The following WIZ variants were observed in gnomAD, a reference collection of about 807,000 sequenced individuals.
WIZ encodes protein Wiz.
A neutral mutation model predicts 140.2 loss-of-function variants in WIZ; 25 were observed. The ratio of observed to expected loss-of-function variants is 0.18; its 90% CI spans 0.13 to 0.25. The LOEUF (loss-of-function observed/expected upper bound fraction) is 0.25, where lower values mean the gene tolerates loss of function less well. Ranked by LOEUF, WIZ falls within the 10% of genes least tolerant of loss-of-function variation. WIZ has a pLI of 1.00. For missense variants in WIZ, 2,231 were observed against 2,632.6 expected, an observed-to-expected ratio of 0.85 and a Z score of 3.34; for synonymous variants, 1,125 against 1,154.3, an observed-to-expected ratio of 0.97 and a Z score of 0.51.
In WIZ at chr19:15,427,344, C is replaced by A; in HGVS notation, c.4004G>T (p.Gly1335Val). 1.2e-6 allele frequency: 2 copies of A among 1,613,646 alleles called. No individual in the cohort carries two copies. Among genetic ancestry groups the A allele is most frequent in the Non-Finnish European group, 1.7e-6 (2 of 1,179,934 alleles). The change falls in exon 9 of 13, where the codon GGT (glycine) becomes GTT (valine). Residue 1335 changes from glycine (G) to valine (V), a missense_variant. Coordinates refer to ENST00000673675, the MANE Select transcript of WIZ (RefSeq NM_001371589.1). This position sits in a 1 kb window ranked among gnomAD's most constrained non-coding sequence, Gnocchi z 6.4. Reference protein sequence around the residue: ...ILKRRTQSRPGGPPNPPGPSP... With the variant: ...ILKRRTQSRPVGPPNPPGPSP... ...TGGCCCTGGTGGGTTGGGAGGTCCACCAGGCCGAGACTGGGTCCGTCTCTT... is the reference window on the plus strand; with the variant it reads ...TGGCCCTGGTGGGTTGGGAGGTCCAACAGGCCGAGACTGGGTCCGTCTCTT...
chr19:15,429,066 T>C (rs1969047963), intron 7 of WIZ, among the ~76,000 whole-genome samples: 1 of 152,188 alleles, frequency 6.6e-6, no homozygotes, highest in African/African-American at 2.4e-5. Context: ...TCCCAAACCC[T>C]GCCTGCCGTG....
In WIZ at chr19:15,425,765, G is replaced by A; in HGVS notation, c.4370C>T (p.Ser1457Phe). ...GATGTCGCGCACCGGCTCTGCCCGG[G>A]ACGCTGCAGGGGATCCAGGGTAGGG... ...REDMTPLNLS[S>F]RAEPVRDIRC... Residue 1457 changes from serine to phenylalanine, a missense_variant, in exon 10 of 13, where the codon TCC becomes TTC. Physicochemically the swap from Ser to Phe is radical, Grantham distance 155. Transcript: ENST00000673675. 1 of 1,571,050 alleles carries A rather than the reference G, an allele frequency of 6.4e-7. No individual in the cohort carries two copies. Among genetic ancestry groups the A allele is most frequent in the Non-Finnish European group, 8.6e-7 (1 of 1,158,474 alleles).
chr19:15,444,489 T>C (rs1187514439), intron 2 of WIZ, among the ~76,000 whole-genome samples: 2 of 152,160 alleles, frequency 1.3e-5, no homozygotes, highest in Non-Finnish European at 2.9e-5. Context: ...AGCAGCATCC[T>C]TGGCCTCCAC....
chr19:15,435,601 G>A (rs932743427), intron 5 of WIZ, among the ~76,000 whole-genome samples: 3 of 152,170 alleles, frequency 2.0e-5, no homozygotes, highest in Non-Finnish European at 4.4e-5. Flanking sequence ...TTGGGAGGCC[G>A]AAGCGGGCAG....
At position 15,436,924 on chromosome 19, in the gene WIZ, C is replaced by T. The variant is rs1969537844; in HGVS notation, c.2622G>A (p.Leu874=). Residue 874 remains leucine (L), a synonymous_variant, in exon 5 of 13, where the codon CTG becomes CTA. Coordinates refer to ENST00000673675, the MANE Select transcript of WIZ (RefSeq NM_001371589.1). ...TSAAEQPPSP[L]GREPGGPPGS... is the part of the protein sequence containing the mutation. The stretch of plus-strand genomic sequence containing the variant: ...CAGGCGGACCCCCAGGCTCTCGGCC[C>T]AGGGGGCTGGGGGGCTGCTCAGCAG... The T allele has an allele frequency of 1.9e-6, 3 of 1,613,234 alleles. No homozygotes were observed. The highest frequency in any genetic ancestry group is 2.5e-6 in the Non-Finnish European group (3 of 1,179,646).
In WIZ at chr19:15,439,000, A is replaced by C; in HGVS notation, c.1994T>G (p.Leu665Arg). 6.7e-7 allele frequency: 1 copy of C among 1,487,826 alleles called. No homozygotes were observed. Among genetic ancestry groups the C allele is most frequent in the Non-Finnish European group, 8.9e-7 (1 of 1,122,190 alleles). 92.2% of individuals were successfully genotyped at this position (1,487,826 alleles called of 1,614,324 possible). A position where few individuals can be genotyped will look rare whatever the true frequency, so the allele number is the denominator to read the frequency against. The change falls in exon 4 of 13, where the codon CTG becomes CGG. Residue 665 changes from leucine to arginine, a missense_variant. By Grantham distance (102) the Leu-to-Arg change is moderately radical. This residue lies in a region of WIZ where 475 missense variants were observed against 520.2 expected (regional missense o/e 0.91). Coordinates refer to ENST00000673675, the MANE Select transcript of WIZ (RefSeq NM_001371589.1). ...CCCCTGGGTGGCCTCTACTGCCTGC[A>C]GGGCCTCTCGGAATGCCTGCTTCAG... ...LELKQAFREA[L>R]QAVEATQGQQ...
chr19:15,432,337 G>A (rs12459348), intron 5 of WIZ: 27 of 657,614 alleles, frequency 4.1e-5, no homozygotes, highest in Admixed American at 1.3e-4. Context: ...GGAGGGGGGG[G>A]TCCCGCAGAC....
chr19:15,440,586 G>A lies in WIZ; in HGVS notation c.408C>T (p.Gly136=). Residue 136 remains glycine, a synonymous_variant, in exon 4 of 13, where the codon GGC becomes GGT. Transcript: ENST00000673675. The surrounding 1 kb of genome is among the most constrained non-coding windows in gnomAD (Gnocchi z 6.2). The part of the protein sequence containing the change: ...EHPLVQEAGE[G]ILSERRFEDS... Reference sequence around the variant, plus strand: ...CCTCGAATCTCCGCTCAGATAGGATGCCCTCCCCAGCCTCCTGGACAAGGG... The same window carrying A: ...CCTCGAATCTCCGCTCAGATAGGATACCCTCCCCAGCCTCCTGGACAAGGG... 1.3e-6 allele frequency: 2 copies of A among 1,536,144 alleles called. No individual in the cohort carries two copies. Among genetic ancestry groups the A allele is most frequent in the Non-Finnish European group, 8.7e-7 (1 of 1,146,870 alleles).
At chr19:15,432,359 C>A in intron 5 of WIZ, 1 of 853,798 alleles carries the variant, frequency 1.2e-6, no homozygotes, top group Non-Finnish European at 1.4e-6. Context: ...GGACGGAAGG[C>A]GTCGGGGGCG....
chr19:15,437,282 T>G (rs1224420989), intron 4 of WIZ, among the ~76,000 whole-genome samples, 153 bp from the exon 5 acceptor site: 2 of 152,112 alleles, frequency 1.3e-5, no homozygotes, highest in East Asian at 3.9e-4. Context: ...AGCTCGTGCA[T>G]CCTCCCACCC....
intron 3 of WIZ, among the ~76,000 whole-genome samples, chr19:15,441,283 C>A (rs1171244066): frequency 1.3e-5 from 2 of 152,108 alleles, no homozygotes; most frequent in Non-Finnish European, 2.9e-5. Context: ...GTGATCCTGA[C>A]CTTCTTGGGC....
rs767737102 is a variant in WIZ at position 15,427,170 on chromosome 19, G to A, written c.4178C>T (p.Ser1393Phe). 2 of 1,614,108 alleles carry A rather than the reference G, an allele frequency of 1.2e-6. No homozygotes were observed. Among genetic ancestry groups the A allele is most frequent in the Admixed American group, 1.7e-5 (1 of 60,006 alleles). The change falls in exon 9 of 13, where the codon TCT (serine) becomes TTT (phenylalanine). Residue 1393 changes from serine (S) to phenylalanine (F), a missense_variant. Ser to Phe is a radical substitution (Grantham distance 155). This residue lies in a region of WIZ where 393 missense variants were observed against 451.7 expected (regional missense o/e 0.87). Transcript: ENST00000673675. The surrounding 1 kb of genome is among the most constrained non-coding windows in gnomAD (Gnocchi z 6.4). ...GSPLGHSPTA[S>F]PPPTARKMFP... ...CATCTTTCGGGCCGTAGGAGGAGGA[G>A]AGGCAGTTGGTGAGTGGCCCAGGGG...
intron 2 of WIZ, among the ~76,000 whole-genome samples, chr19:15,447,361 G>A (rs1469463003): frequency 6.6e-6 from 1 of 152,176 alleles, no homozygotes; most frequent in African/African-American, 2.4e-5. Flanking sequence ...GGGTCTCCCA[G>A]GTCTCCCAGG....
chr19:15,433,079 G>T, intron 5 of WIZ: 1 of 190,586 alleles, frequency 5.2e-6, no homozygotes, highest in Non-Finnish European at 9.7e-6. Context: ...GAGCCCCGAC[G>T]GGCGGAGCTA....
chr19:15,429,754 C>T lies in WIZ; in HGVS notation c.3247G>A (p.Gly1083Ser). 1 of 1,499,430 alleles carries T rather than the reference C, an allele frequency of 6.7e-7. No homozygotes were observed. The highest frequency in any genetic ancestry group is 8.9e-7 in the Non-Finnish European group (1 of 1,126,752). 92.9% of individuals were successfully genotyped at this position (1,499,430 alleles called of 1,614,324 possible). The change falls in exon 7 of 13, where the codon GGC (glycine) becomes AGC (serine). Residue 1083 changes from glycine to serine, a missense_variant. Around this residue, in one of 15 missense-constraint regions of WIZ, gnomAD observed 163 missense variants for 166.8 expected, o/e 0.98. Coordinates refer to ENST00000673675, the MANE Select transcript of WIZ (RefSeq NM_001371589.1). ...SPPGFSAKGL[G>S]HPPSSPLLKK... ...AGGAGTGGAGAGCTGGGCGGGTGGC[C>T]CAGGCCCTTGGCCGAGAAGCCGGGA... is the stretch of plus-strand genomic sequence containing the variant.
Position 15,439,143 on chromosome 19 carries a change from C to T in WIZ, c.1851G>A (p.Glu617=), listed in dbSNP as rs774568803. The change falls in exon 4 of 13, where the codon GAG becomes GAA. Residue 617 remains glutamate (E), a synonymous_variant. Transcript: ENST00000673675. The surrounding 1 kb of genome is among the most constrained non-coding windows in gnomAD (Gnocchi z 7.0). ...CATCCTCCTCCTCCTCCTCCTCCTC[C>T]TCCTCTTCGCTCCAAGGGCGCCTCC... ...GERRRPWSEE[E]EEEEEEEDVV... is the part of the protein sequence containing the mutation. The T allele has an allele frequency of 7.2e-6, 11 of 1,522,302 alleles. No homozygotes were observed. The East Asian group carries it at 2.7e-4, about 37-fold the overall frequency. 94.3% of individuals were successfully genotyped at this position (1,522,302 alleles called of 1,614,324 possible).
Position 15,439,224 on chromosome 19 carries a change from G to A in WIZ, c.1770C>T (p.Tyr590=), listed in dbSNP as rs1404703561. The change falls in exon 4 of 13, where the codon TAC becomes TAT. Residue 590 remains tyrosine (Y), a synonymous_variant. Coordinates refer to ENST00000673675, the MANE Select transcript of WIZ (RefSeq NM_001371589.1). This position sits in a 1 kb window ranked among gnomAD's most constrained non-coding sequence, Gnocchi z 7.0. The part of the protein sequence containing the change: ...AFPSTLASTP[Y]SLQLGRNKST... ...TTTTGTTTCTCCCGAGCTGTAAGGA[G>A]TAGGGGGTGGATGCTAGTGTGGAGG... The A allele has an allele frequency of 5.2e-6, 8 of 1,535,636 alleles. No individual in the cohort carries two copies. The highest frequency in any genetic ancestry group is 2.4e-5 in the East Asian group (1 of 40,924).
intron 2 of WIZ, among the ~76,000 whole-genome samples, chr19:15,446,901 G>A (rs546750353): frequency 6.6e-6 from 1 of 152,316 alleles, no homozygotes; most frequent in African/African-American, 2.4e-5. Flanking sequence ...ATAAATATCC[G>A]AGCATCATGA....
chr19:15,420,421 T>A lies in WIZ; in HGVS notation c.*2655A>T, dbSNP rs1050467833. ...ACGGATAAGCACTCTGGCTTCGGGG[T>A]TCATCTCCCCATCAGCCTCAGGGAT... is the stretch of plus-strand genomic sequence containing the variant. On this transcript the variant is annotated 3_prime_UTR_variant, in exon 13 of 13. Coordinates refer to ENST00000673675, the MANE Select transcript of WIZ (RefSeq NM_001371589.1). 1 of 152,132 alleles carries A rather than the reference T, an allele frequency of 6.6e-6. No individual in the cohort carries two copies. The highest frequency in any genetic ancestry group is 2.4e-5 in the African/African-American group (1 of 41,412). 9.4% of individuals were successfully genotyped at this position (152,132 alleles called of 1,614,324 possible). A position where few individuals can be genotyped will look rare whatever the true frequency, so the allele number is the denominator to read the frequency against.
Sources: allele counts gnomAD v4.1 joint callset (sites outside exome capture counted in the v4.1 genomes callset), GRCh38; gene constraint gnomAD v4.1.1; regional missense constraint gnomAD v4.1.1; non-coding constraint Gnocchi (gnomAD v3.1); transcripts MANE v1.5; gene names NCBI Gene and HGNC (gene_info 2026-07-23, HGNC 2026-07-21).